Variants in OFD1 observed in about 807,000 individuals in gnomAD.
OFD1 encodes the protein OFD1 centriole and centriolar satellite protein.
OFD1 carries 12 observed loss-of-function variants against 81.4 expected under a neutral mutation model. That is an observed-to-expected ratio of 0.15 (90% CI 0.09 to 0.24). The LOEUF (loss-of-function observed/expected upper bound fraction) is 0.24. Among genes scored for constraint, OFD1 ranks in the 10% least tolerant of loss-of-function variants. The pLI is 1.00. For missense variants in OFD1, 685 were observed against 733.9 expected, an observed-to-expected ratio of 0.93 and a Z score of 0.77; for synonymous variants, 256 against 263.7, an observed-to-expected ratio of 0.97 and a Z score of 0.28.
At chrX:13,720,212 T>G in the OFD1 span, 1 of 227,340 alleles carries the variant, frequency 4.4e-6, no homozygotes, top group Non-Finnish European at 7.8e-6. Flanking sequence ...TTAAGTAAAC[T>G]GGAAGACCTC....
At chrX:13,734,743 G>A (rs2046781542), upstream of OFD1, 1 of 1,028,305 alleles carries the variant, frequency 9.7e-7, no homozygotes, top group Non-Finnish European at 1.2e-6. Context: ...TCCGGAAGTT[G>A]CCGGACTGGC....
upstream of OFD1, chrX:13,734,684 G>A (rs1049532884): frequency 2.1e-6 from 2 of 946,091 alleles, no homozygotes; most frequent in African/African-American, 2.0e-5. Context: ...GGGCAACCAA[G>A]CTCATGCGCC....
downstream of OFD1, among the ~76,000 whole-genome samples, chrX:13,769,650 C>CT (rs893475430): frequency 8.1e-5 from 9 of 111,695 alleles, 1 homozygote; most frequent in Non-Finnish European, 1.7e-4. Context: ...TAAACCCCCC[C>CT]GTGTGATAGA....
In OFD1 at chrX:13,753,412, G is replaced by A. The variant is rs312262864; in HGVS notation, c.1100G>A (p.Arg367Gln). Residue 367 changes from arginine to glutamine, a missense_variant, in exon 11 of 23, where the codon CGA becomes CAA. By Grantham distance (43) the Arg-to-Gln change is conservative. Transcript: ENST00000340096. The part of the protein sequence containing the change: ...LKDDYIIRTN[R>Q]LIEDERKNKE... ...GATGACTACATCATTAGAACTAATC[G>A]ACTGATTGAAGATGAAAGGAAGAAT... is the stretch of plus-strand genomic sequence containing the variant. The A allele has an allele frequency of 1.2e-5, 14 of 1,208,977 alleles. No individual in the cohort carries two copies. Among genetic ancestry groups the A allele is most frequent in the Non-Finnish European group, 1.5e-5 (13 of 893,577 alleles).
At chrX:13,742,724 C>T (rs375256907) in intron 5 of OFD1, among the ~76,000 whole-genome samples, 82 of 111,168 alleles carry the variant, frequency 7.4e-4, no homozygotes, top group African/African-American at 2.5e-3. Flanking sequence ...TGGGGTTCAC[C>T]ATGTTGATCA....
chrX:13,765,033 A>C (rs1428499407), intron 19 of OFD1, among the ~76,000 whole-genome samples: 2 of 112,236 alleles, frequency 1.8e-5, no homozygotes, highest in Non-Finnish European at 3.8e-5. Context: ...ATGTGATAGG[A>C]TAAGGGAAAT....
At chrX:13,736,033 G>A (rs2046849807) in intron 2 of OFD1, 2 of 458,413 alleles carry the variant, frequency 4.4e-6, no homozygotes. Context: ...GTGGCAACAG[G>A]CTTATCTTTG....
chrX:13,722,607 G>A, the OFD1 span, among the ~76,000 whole-genome samples: 4 of 111,728 alleles, frequency 3.6e-5, no homozygotes, highest in Non-Finnish European at 5.6e-5. Context: ...TCATTGTCTC[G>A]GGAGGGGAAC....
At chrX:13,733,355 A>G (rs2046722981), upstream of OFD1, among the ~76,000 whole-genome samples, 1 of 111,303 alleles carries the variant, frequency 9.0e-6, no homozygotes, top group Admixed American at 9.5e-5. Flanking sequence ...TGACTCGTTT[A>G]CTTATTTTTT....
chrX:13,743,518 G>A (rs2047185552), intron 5 of OFD1, among the ~76,000 whole-genome samples: 1 of 111,959 alleles, frequency 8.9e-6, no homozygotes, highest in Admixed American at 9.4e-5. Context: ...CATGCATTTC[G>A]AATATATATA....
Position 13,761,196 on chromosome X carries a change from C to T in OFD1, c.2372C>T (p.Pro791Leu), listed in dbSNP as rs753498008. 3.2e-5 allele frequency: 39 copies of T among 1,208,529 alleles called. No individual in the cohort carries two copies. The East Asian group carries it at 9.8e-4, about 30-fold the overall frequency. Reference sequence around the variant, plus strand: ...TCCATCCCTCCTGTCTCCAGCCCTCCGGAGCAGAAAGTGGGGTAAGTATAA... The same window carrying T: ...TCCATCCCTCCTGTCTCCAGCCCTCTGGAGCAGAAAGTGGGGTAAGTATAA... ...SLSIPPVSSP[P>L]EQKVGLYRRQ... Residue 791 changes from proline to leucine, a missense_variant, in exon 17 of 23, where the codon CCG (proline) becomes CTG (leucine). Pro to Leu is a moderately conservative substitution (Grantham distance 98). Coordinates refer to ENST00000340096, the MANE Select transcript of OFD1 (RefSeq NM_003611.3).
chrX:13,773,071 G>A, downstream of OFD1: 1 of 1,165,339 alleles, frequency 8.6e-7, no homozygotes, highest in Non-Finnish European at 1.2e-6. Context: ...TGAGCATTGT[G>A]AGAAGGCAAA....
chrX:13,773,254 A>G (rs1249601204), downstream of OFD1: 2 of 277,363 alleles, frequency 7.2e-6, no homozygotes, highest in Non-Finnish European at 1.3e-5. Flanking sequence ...AGTGAACTGG[A>G]AAAAAATGGC....
chrX:13,739,136 A>G, intron 5 of OFD1, 104 bp downstream of exon 5: 1 of 652,315 alleles, frequency 1.5e-6, no homozygotes. Context: ...ATTTAATTTG[A>G]TTTAAATTAT....
At chrX:13,768,664 A>G in intron 21 of OFD1, 54 bp from the exon 22 acceptor site, 1 of 910,606 alleles carries the variant, frequency 1.1e-6, no homozygotes, top group South Asian at 2.0e-5. Flanking sequence ...AAAGTATTTC[A>G]TGAAATTAAT....
At chrX:13,769,848 C>A (rs963387477), downstream of OFD1, among the ~76,000 whole-genome samples, 3 of 111,780 alleles carry the variant, frequency 2.7e-5, no homozygotes, top group African/African-American at 9.8e-5. Context: ...AGACATCGAA[C>A]CTGCCAGTGC....
rs2048251632 is a variant in OFD1, at chrX:13,769,164, A to C, written c.*56A>C. ...TACCGTGAGAAGTTACGTAACATTT[A>C]CTCCTTTGTAAATGTTTCCCTATCA... On this transcript the variant is annotated 3_prime_UTR_variant, in exon 23 of 23. Transcript: ENST00000340096. 3.3e-6 allele frequency: 3 copies of C among 915,624 alleles called. No individual in the cohort carries two copies. In the African/African-American group the frequency reaches 5.8e-5, roughly 18 times the overall value. 75.5% of individuals were successfully genotyped at this position (915,624 alleles called of 1,213,427 possible).
At chrX:13,742,420 G>T (rs1008249180) in intron 5 of OFD1, among the ~76,000 whole-genome samples, 8 of 112,086 alleles carry the variant, frequency 7.1e-5, no homozygotes, top group Non-Finnish European at 1.3e-4. Flanking sequence ...CTGTGATCTT[G>T]GGTTTCGTGA....
At chrX:13,730,581 G>A (rs1026249808), upstream of OFD1, among the ~76,000 whole-genome samples, 1 of 111,527 alleles carries the variant, frequency 9.0e-6, no homozygotes, top group East Asian at 2.8e-4. Flanking sequence ...ATACCCAAAG[G>A]ATTACAAATC....
Sources: allele counts gnomAD v4.1 joint callset (sites outside exome capture counted in the v4.1 genomes callset), GRCh38; gene constraint gnomAD v4.1.1; transcripts MANE v1.5; gene names NCBI Gene and HGNC (gene_info 2026-07-23, HGNC 2026-07-21).